The following RSBN1L variants were observed in gnomAD, a reference collection of about 807,000 sequenced individuals.
RSBN1L encodes the protein round spermatid basic protein 1 like.
A neutral mutation model predicts 67.7 loss-of-function variants in RSBN1L; 30 were observed. The ratio of observed to expected loss-of-function variants is 0.44; its 90% CI spans 0.33 to 0.60. The LOEUF is 0.60. Among genes scored for constraint, RSBN1L ranks in the 20% least tolerant of loss-of-function variants. RSBN1L has a pLI of 0.02. For synonymous variants in RSBN1L, 433 were observed against 387.0 expected (o/e 1.12, Z -1.39); for missense variants, 992 against 1,031.7 (o/e 0.96, Z 0.53).
In RSBN1L at chr7:77,780,689, A is replaced by C. The variant is rs1288382920; in HGVS notation, c.*1521A>C. On this transcript the variant is annotated 3_prime_UTR_variant, in exon 8 of 8. Transcript: ENST00000334955. ...AACAAAATACTTTGTGGTACCTCTT[A>C]TCTCTCAGGATCTCCTCCCTACCCT... 2 of 152,212 alleles carry C rather than the reference A, an allele frequency of 1.3e-5. No individual in the cohort carries two copies. The highest frequency in any genetic ancestry group is 2.9e-5 in the Non-Finnish European group (2 of 68,044). 9.4% of individuals were successfully genotyped at this position (152,212 alleles called of 1,614,324 possible).
intron 5 of RSBN1L, among the ~76,000 whole-genome samples, chr7:77,772,237 A>G (rs1791859640): frequency 6.6e-6 from 1 of 152,200 alleles, no homozygotes; most frequent in Non-Finnish European, 1.5e-5. Context: ...GTAGTTAAAT[A>G]ATAGAGATTA....
At chr7:77,768,561 G>A (rs1267306257) in intron 4 of RSBN1L, 100 bp from the exon 5 acceptor site, 2 of 979,092 alleles carry the variant, frequency 2.0e-6, no homozygotes, top group Non-Finnish European at 1.6e-6. Context: ...ATAAAGCTGT[G>A]TATGAAAGTG....
chr7:77,744,420 G>A (rs1791454987), intron 2 of RSBN1L, among the ~76,000 whole-genome samples: 2 of 152,070 alleles, frequency 1.3e-5, no homozygotes, highest in Admixed American at 6.6e-5. Flanking sequence ...TTCATACCTA[G>A]GTGGCAAGTC....
At chr7:77,770,998 G>A (rs574180073) in intron 5 of RSBN1L, among the ~76,000 whole-genome samples, 26 of 152,322 alleles carry the variant, frequency 1.7e-4, no homozygotes, top group African/African-American at 6.3e-4. Flanking sequence ...CTGGAGTGCA[G>A]TGGTGCAATC....
At position 77,720,824 on chromosome 7, in the gene RSBN1L, G is replaced by T. The variant is rs1439333912; in HGVS notation, c.587-15586G>T. The stretch of plus-strand genomic sequence containing the variant: ...TCTGTCACCCAGGCTCGAGTGCAGT[G>T]GTGTGATCCTGGCTCACTGCAGCAT... On this transcript the variant is annotated intron_variant, in intron 1 of 7. Coordinates refer to ENST00000334955, the MANE Select transcript of RSBN1L (RefSeq NM_198467.3). Among the ~76,000 whole-genome samples, 3 of 140,842 alleles carry T rather than the reference G, an allele frequency of 2.1e-5. No homozygotes were observed. The East Asian group carries it at 6.3e-4, about 29-fold the overall frequency. The allele number at this position is 140,842 out of a possible 152,430, so 92.4% of individuals were successfully genotyped here.
intron 2 of RSBN1L, among the ~76,000 whole-genome samples, chr7:77,740,721 A>G (rs928165417): frequency 2.0e-5 from 3 of 151,522 alleles, no homozygotes; most frequent in African/African-American, 7.3e-5. Context: ...GTTTTTTTTT[A>G]TTTTTCTTTT....
Position 77,749,608 on chromosome 7 carries a change from A to G in RSBN1L, c.888A>G (p.Leu296=), listed in dbSNP as rs1364150770. 1.2e-6 allele frequency: 2 copies of G among 1,613,860 alleles called. No individual in the cohort carries two copies. Among genetic ancestry groups the G allele is most frequent in the Admixed American group, 1.7e-5 (1 of 59,964 alleles). ...DVEDQAAKGI[L]NDNIKDYVGK... ...AAGATCAAGCAGCCAAAGGCATCCT[A>G]AATGATAACATAAAAGATTACGTTG... The change falls in exon 3 of 8, where the codon CTA becomes CTG. Residue 296 remains leucine, a synonymous_variant. Transcript: ENST00000334955.
rs964513049 is a variant in RSBN1L at position 77,780,822 on chromosome 7, C to G, written c.*1654C>G. 1 of 152,144 alleles carries G rather than the reference C, an allele frequency of 6.6e-6. No homozygotes were observed. Among genetic ancestry groups the G allele is most frequent in the Admixed American group, 6.5e-5 (1 of 15,272 alleles). The allele number at this position is 152,144 out of a possible 1,614,324, so 9.4% of individuals were successfully genotyped here. A position where few individuals can be genotyped will look rare whatever the true frequency, so the allele number is the denominator to read the frequency against. On this transcript the variant is annotated 3_prime_UTR_variant, in exon 8 of 8. Transcript: ENST00000334955. The stretch of plus-strand genomic sequence containing the variant: ...CTAACTAAAGATGAGTAAAACAGAC[C>G]TCTTTAATGATAGACTCACTATTTG...
At chr7:77,729,391 T>C (rs570205452) in intron 1 of RSBN1L, among the ~76,000 whole-genome samples, 2 of 152,306 alleles carry the variant, frequency 1.3e-5, no homozygotes, top group South Asian at 4.1e-4. Context: ...TTAATAATAG[T>C]GGAGACTAGT....
intron 5 of RSBN1L, among the ~76,000 whole-genome samples, chr7:77,770,137 C>T (rs1287483347): frequency 1.3e-5 from 2 of 152,144 alleles, no homozygotes; most frequent in African/African-American, 2.4e-5. Flanking sequence ...CTTTGGGAGG[C>T]TGAGGCGGGT....
At chr7:77,748,966 G>C (rs1584294556) in intron 2 of RSBN1L, among the ~76,000 whole-genome samples, 2 of 152,028 alleles carry the variant, frequency 1.3e-5, no homozygotes, top group South Asian at 4.1e-4. Flanking sequence ...TACATGAAGA[G>C]ACTGGCTGGC....
Position 77,709,526 on chromosome 7 carries a change from G to A in RSBN1L, c.586+12471G>A, listed in dbSNP as rs6949864. The stretch of plus-strand genomic sequence containing the variant: ...GCTGGTCTCAAACTCCTGACCTCAG[G>A]TGATCCACCCACCTTGGCCTCCCAA... On this transcript the variant is annotated intron_variant, in intron 1 of 7. Transcript: ENST00000334955. Among the ~76,000 whole-genome samples the A allele has an allele frequency of 8.0e-3, 1,224 of 152,198 alleles. 14 individuals are homozygous for A. The highest frequency in any genetic ancestry group is 0.028 in the African/African-American group (1,163 of 41,522).
chr7:77,751,438 C>T (rs1226883402), intron 3 of RSBN1L, among the ~76,000 whole-genome samples: 2 of 152,126 alleles, frequency 1.3e-5, no homozygotes, highest in Non-Finnish European at 1.5e-5. Flanking sequence ...CCTCGCCCGG[C>T]CTGGAAAATA....
Position 77,696,591 on chromosome 7 carries a change from C to T in RSBN1L, c.122C>T (p.Ser41Phe), listed in dbSNP as rs200094529. ...TCCCGGGACCCTCCGGGTTCTCTGT[C>T]CGCCAAGAAGGTCCGGACTGAGGAG... ...LSSRDPPGSL[S>F]AKKVRTEEKK... The change falls in exon 1 of 8, where the codon TCC (serine) becomes TTC (phenylalanine). Residue 41 changes from serine (S) to phenylalanine (F), a missense_variant. Physicochemically the swap from Ser to Phe is radical, Grantham distance 155. Coordinates refer to ENST00000334955, the MANE Select transcript of RSBN1L (RefSeq NM_198467.3). The T allele has an allele frequency of 1.4e-5, 22 of 1,613,996 alleles. No individual in the cohort carries two copies. Among genetic ancestry groups the T allele is most frequent in the Admixed American group, 8.3e-5 (5 of 60,012 alleles).
In RSBN1L at chr7:77,782,716, A is replaced by G. The variant is rs1263729304; in HGVS notation, c.*3548A>G. The G allele has an allele frequency of 2.6e-5, 4 of 151,876 alleles. No homozygotes were observed. Among genetic ancestry groups the G allele is most frequent in the Admixed American group, 1.3e-4 (2 of 15,236 alleles). 9.4% of individuals were successfully genotyped at this position (151,876 alleles called of 1,614,324 possible). On this transcript the variant is annotated 3_prime_UTR_variant, in exon 8 of 8. Coordinates refer to ENST00000334955, the MANE Select transcript of RSBN1L (RefSeq NM_198467.3). ...TTAATGCATTCTGTAACTTTTCTCG[A>G]GTGGTGGTCATTGAGGGTAGGGAAG...
At chr7:77,741,278 C>T (rs1396448964) in intron 2 of RSBN1L, among the ~76,000 whole-genome samples, 1 of 151,904 alleles carries the variant, frequency 6.6e-6, no homozygotes, top group Non-Finnish European at 1.5e-5. Context: ...TGAGCCACTG[C>T]ACCTGGCCAC....
At chr7:77,717,002 C>T (rs1168353267) in intron 1 of RSBN1L, among the ~76,000 whole-genome samples, 2 of 150,410 alleles carry the variant, frequency 1.3e-5, no homozygotes, top group Admixed American at 1.3e-4. Context: ...GCTCTGTTGC[C>T]CAGGCTGGAG....
chr7:77,770,753 A>C (rs1277361135), intron 5 of RSBN1L, among the ~76,000 whole-genome samples: 1 of 152,224 alleles, frequency 6.6e-6, no homozygotes, highest in African/African-American at 2.4e-5. Context: ...ATGACATTTG[A>C]AAACAGCCAA....
intron 1 of RSBN1L, among the ~76,000 whole-genome samples, chr7:77,710,362 G>A (rs1331558381): frequency 6.6e-6 from 1 of 152,124 alleles, no homozygotes; most frequent in Non-Finnish European, 1.5e-5. Context: ...AGCTCTGGAT[G>A]ATCATATTCT....
Sources: allele counts gnomAD v4.1 joint callset (sites outside exome capture counted in the v4.1 genomes callset), GRCh38; gene constraint gnomAD v4.1.1; transcripts MANE v1.5; gene names NCBI Gene and HGNC (gene_info 2026-07-23, HGNC 2026-07-21).